AP3B2: variants seen among roughly 807,000 people sequenced by gnomAD.
The protein encoded by AP3B2 is adaptor related protein complex 3 subunit beta 2, also known as AP-3 complex subunit beta-2.
Under a neutral mutation model 126.9 loss-of-function variants are expected in AP3B2, and 50 were observed. The ratio of observed to expected loss-of-function variants is 0.39; its 90% CI spans 0.31 to 0.50. The LOEUF is 0.50. AP3B2 is among the 20% of genes least tolerant of loss of function. The probability of loss-of-function intolerance (pLI) is 0.79; values close to 1 mark genes in which losing one functional copy is unlikely to be tolerated. For missense variants in AP3B2, 1,177 were observed against 1,426.4 expected (o/e 0.83, Z 2.82); for synonymous variants, 541 against 565.0 (o/e 0.96, Z 0.60).
intron 14 of AP3B2, among the ~76,000 whole-genome samples, chr15:82,671,298 A>G (rs1490020263): frequency 6.6e-6 from 1 of 152,010 alleles, no homozygotes; most frequent in Non-Finnish European, 1.5e-5. Flanking sequence ...AAACAAAACA[A>G]AACAAAAAAA....
In AP3B2 at chr15:82,665,905, G is replaced by A. The variant is rs2048050123; in HGVS notation, c.1853-330C>T. 6.6e-6 allele frequency among the ~76,000 whole-genome samples: 1 copy of A among 152,198 alleles called. No homozygotes were observed. Among genetic ancestry groups the A allele is most frequent in the African/African-American group, 2.4e-5 (1 of 41,454 alleles). On this transcript the variant is annotated intron_variant, in intron 15 of 26. Coordinates refer to ENST00000535359, the MANE Select transcript of AP3B2 (RefSeq NM_001278512.2). The surrounding 1 kb of genome is among the most constrained non-coding windows in gnomAD (Gnocchi z 4.4). ...TCTAGTCAGGCTCTGGACTCAGCAGGGAGGGATGAACAGTCAGAGCATGAG... is the reference window on the plus strand; with the variant it reads ...TCTAGTCAGGCTCTGGACTCAGCAGAGAGGGATGAACAGTCAGAGCATGAG...
Position 82,665,779 on chromosome 15 carries a change from C to T in AP3B2, c.1853-204G>A, listed in dbSNP as rs567291727. On this transcript the variant is annotated intron_variant, in intron 15 of 26. Coordinates refer to ENST00000535359, the MANE Select transcript of AP3B2 (RefSeq NM_001278512.2). This position sits in a 1 kb window ranked among gnomAD's most constrained non-coding sequence, Gnocchi z 4.4. ...GGAAGAAAAGGCTGTCTGGCCAGGC[C>T]AGAGCAGGGACTGAGGGCCAGGGAA... Among the ~76,000 whole-genome samples, 68 of 152,268 alleles carry T rather than the reference C, an allele frequency of 4.5e-4. No homozygotes were observed. The Middle Eastern group carries it at 0.014, about 31-fold the overall frequency.
At chr15:82,660,689 C>T (rs2047927909) in intron 25 of AP3B2, among the ~76,000 whole-genome samples, 2 of 152,208 alleles carry the variant, frequency 1.3e-5, no homozygotes, top group Admixed American at 6.5e-5. Flanking sequence ...CTATTCTTCA[C>T]CTCCTTTTAG....
At chr15:82,663,428 C>A in intron 21 of AP3B2, 132 bp downstream of exon 21, 1 of 1,147,968 alleles carries the variant, frequency 8.7e-7, no homozygotes. Flanking sequence ...CCCTCTCAGG[C>A]CTGAAGATAT....
chr15:82,674,582 T>C (rs75487607), intron 14 of AP3B2, among the ~76,000 whole-genome samples: 139 of 152,282 alleles, frequency 9.1e-4, no homozygotes, highest in African/African-American at 3.2e-3. Context: ...TTTATTTTTG[T>C]CCTGTTTCTC....
At chr15:82,669,325 TC>T (rs1465483289) in intron 14 of AP3B2, among the ~76,000 whole-genome samples, 14 of 152,182 alleles carry the variant, frequency 9.2e-5, no homozygotes, top group African/African-American at 3.1e-4. Context: ...ATTTAAAAAA[TC>T]TTAAGGATTC....
At chr15:82,672,425 G>T (rs1239897549) in intron 14 of AP3B2, among the ~76,000 whole-genome samples, 2 of 152,118 alleles carry the variant, frequency 1.3e-5, no homozygotes, top group Non-Finnish European at 2.9e-5. Flanking sequence ...TTGAGCTCAT[G>T]GAGTTGGAGA....
Position 82,677,736 on chromosome 15 carries a change from G to C in AP3B2, c.1313C>G (p.Thr438Ser), listed in dbSNP as rs972312270. 6.2e-7 allele frequency: 1 copy of C among 1,611,880 alleles called. No individual in the cohort carries two copies. Among genetic ancestry groups the C allele is most frequent in the African/African-American group, 1.3e-5 (1 of 75,032 alleles). The change falls in exon 12 of 27, where the codon ACT becomes AGT. Residue 438 changes from threonine to serine, a missense_variant. Thr to Ser is a moderately conservative substitution (Grantham distance 58). This residue lies in a region of AP3B2 where 308 missense variants were observed against 452.4 expected (regional missense o/e 0.68). Coordinates refer to ENST00000535359, the MANE Select transcript of AP3B2 (RefSeq NM_001278512.2). ...ATIQAIGRCATNIGRVRDTCL... is the reference protein window; with the variant it reads ...ATIQAIGRCASNIGRVRDTCL... Reference sequence around the variant, plus strand: ...GGTGTCACGGACTCGGCCGATGTTAGTTGCACAGCGTCCAATGGCCTGGAT... The same window carrying C: ...GGTGTCACGGACTCGGCCGATGTTACTTGCACAGCGTCCAATGGCCTGGAT...
At chr15:82,702,766 C>A (rs1317919806) in intron 1 of AP3B2, among the ~76,000 whole-genome samples, 1 of 152,130 alleles carries the variant, frequency 6.6e-6, no homozygotes, top group Non-Finnish European at 1.5e-5. Context: ...TTCACATGGA[C>A]GTGCGTGAAA....
chr15:82,689,098 A>G (rs2048479927), intron 3 of AP3B2, 60 bp downstream of exon 3: 1 of 1,582,122 alleles, frequency 6.3e-7, no homozygotes, highest in Admixed American at 1.7e-5. Flanking sequence ...CCTCACCCCA[A>G]GCTTGAGTGT....
At position 82,666,920 on chromosome 15, in the gene AP3B2, G is replaced by T; in HGVS notation, c.1679C>A (p.Thr560Asn). The T allele has an allele frequency of 6.2e-7, 1 of 1,610,706 alleles. No individual in the cohort carries two copies. The highest frequency in any genetic ancestry group is 1.1e-5 in the South Asian group (1 of 90,928). Residue 560 changes from threonine (T) to asparagine (N), a missense_variant, in exon 15 of 27, where the codon ACC (threonine) becomes AAC (asparagine). Physicochemically the swap from Thr to Asn is moderately conservative, Grantham distance 65. Coordinates refer to ENST00000535359, the MANE Select transcript of AP3B2 (RefSeq NM_001278512.2). Reference sequence around the variant, plus strand: ...TTTGGCCAGACTCAGCACATACTGGGTCAGCAGCTTGGTCTGGAGGAACAG... The same window carrying T: ...TTTGGCCAGACTCAGCACATACTGGTTCAGCAGCTTGGTCTGGAGGAACAG... The part of the protein sequence containing the change: ...LTNSKQTKLL[T>N]QYVLSLAKYD...
chr15:82,701,287 G>A, intron 1 of AP3B2, among the ~76,000 whole-genome samples: 1 of 152,026 alleles, frequency 6.6e-6, no homozygotes, highest in Non-Finnish European at 1.5e-5. Flanking sequence ...TCAGTGTTCT[G>A]TACTTCCTTT....
Position 82,700,397 on chromosome 15 carries a change from C to CTTTTTTTTTTTTTTTTTTTTCTTTTTTT in AP3B2, c.113+9196_113+9197insAAAAAAAGAAAAAAAAAAAAAAAAAAAA, listed in dbSNP as rs1226910164. Reference sequence around the variant, plus strand: ...CCACTGGCCTGCCAGTGGTGGGTGGCTTTTTTTTTTTTTTTTTTCAGATGG... The same window carrying CTTTTTTTTTTTTTTTTTTTTCTTTTTTT: ...CCACTGGCCTGCCAGTGGTGGGTGGCTTTTTTTTTTTTTTTTTTTTCTTTTTTTTTTTTTTTTTTTTTTTTTCAGATGG... On this transcript the variant is annotated intron_variant, in intron 1 of 26. Transcript: ENST00000535359. 5.7e-5 allele frequency among the ~76,000 whole-genome samples: 2 copies of CTTTTTTTTTTTTTTTTTTTTCTTTTTTT among 35,086 alleles called. 1 individual carries two copies. The highest frequency in any genetic ancestry group is 1.0e-4 in the Non-Finnish European group (2 of 19,538). 23.0% of individuals were successfully genotyped at this position (35,086 alleles called of 152,430 possible). A position where few individuals can be genotyped will look rare whatever the true frequency, so the allele number is the denominator to read the frequency against.
intron 25 of AP3B2, among the ~76,000 whole-genome samples, chr15:82,661,365 C>A (rs113606903): frequency 1.3e-5 from 2 of 152,198 alleles, no homozygotes; most frequent in Non-Finnish European, 2.9e-5. Flanking sequence ...TCCTCCCTTG[C>A]CCAAGCCACT....
intron 1 of AP3B2, chr15:82,691,866 T>C (rs1472153891): frequency 1.5e-6 from 2 of 1,290,986 alleles, no homozygotes; most frequent in Middle Eastern, 1.9e-4. Flanking sequence ...GAAGTTTCAC[T>C]ATCATGAGAG....
In AP3B2 at chr15:82,680,505, G is replaced by C; in HGVS notation, c.1022C>G (p.Ala341Gly). The C allele has an allele frequency of 6.5e-7, 1 of 1,528,324 alleles. No individual in the cohort carries two copies. Among genetic ancestry groups the C allele is most frequent in the South Asian group, 1.2e-5 (1 of 83,686 alleles). The allele number at this position is 1,528,324 out of a possible 1,614,324, so 94.7% of individuals were successfully genotyped here. Residue 341 changes from alanine (A) to glycine (G), a missense_variant, in exon 8 of 27, where the codon GCC (alanine) becomes GGC (glycine). This residue lies in a region of AP3B2 where 308 missense variants were observed against 452.4 expected (regional missense o/e 0.68). Transcript: ENST00000535359. This position sits in a 1 kb window ranked among gnomAD's most constrained non-coding sequence, Gnocchi z 6.1. ...LAPKAEVGVI[A>G]KALVRLLRSH... Reference sequence around the variant, plus strand: ...GCGCAGCAGGCGCACCAGCGCCTTGGCGATGACGCCCACTTCCGCCTTGGG... The same window carrying C: ...GCGCAGCAGGCGCACCAGCGCCTTGCCGATGACGCCCACTTCCGCCTTGGG...
chr15:82,690,642 C>CTTCTTTT (rs2048512147), intron 1 of AP3B2, among the ~76,000 whole-genome samples: 1 of 68,926 alleles, frequency 1.5e-5, no homozygotes, highest in African/African-American at 6.6e-5. Context: ...TTTTCTTCTT[C>CTTCTTTT]TTTTTTTTTT....
At chr15:82,682,560 T>TGG (rs2048358120) in intron 4 of AP3B2, among the ~76,000 whole-genome samples, 5 of 152,030 alleles carry the variant, frequency 3.3e-5, no homozygotes, top group African/African-American at 1.2e-4. Flanking sequence ...GTCACATAAA[T>TGG]TTTTTGTTTC....
Position 82,660,201 on chromosome 15 carries a change from G to C in AP3B2, c.3017-218C>G, listed in dbSNP as rs971201730. ...TCAGCCTCTCTACCCCTCCCACCCA[G>C]GCCTTTATCCATGTTGTTACCAAAG... is the stretch of plus-strand genomic sequence containing the variant. On this transcript the variant is annotated intron_variant, in intron 25 of 26. Transcript: ENST00000535359. Among the ~76,000 whole-genome samples, 13 of 152,096 alleles carry C rather than the reference G, an allele frequency of 8.5e-5. No homozygotes were observed. In the South Asian group the frequency reaches 1.5e-3, roughly 17 times the overall value.
Sources: gnomAD v4.1 joint callset for allele counts (sites outside exome capture counted in the v4.1 genomes callset) on GRCh38, gnomAD v4.1.1 for gene constraint, gnomAD v4.1.1 regional missense constraint, Gnocchi (gnomAD v3.1) non-coding constraint, MANE v1.5 for transcripts, NCBI Gene and HGNC (gene_info 2026-07-23, HGNC 2026-07-21) for gene names.